The following BMAL1 variants were observed in gnomAD, a reference collection of about 807,000 sequenced individuals.
BMAL1 encodes basic helix-loop-helix ARNT like 1.
At chr11:13,375,734 T>C in the BMAL1 span, 1 of 1,593,320 alleles carries the variant, frequency 6.3e-7, no homozygotes, top group East Asian at 2.3e-5. Context: ...GGAAGTAGAA[T>C]ATATTGTCTC....
the BMAL1 span, among the ~76,000 whole-genome samples, chr11:13,360,949 C>T: frequency 1.3e-5 from 2 of 152,174 alleles, no homozygotes; most frequent in African/African-American, 4.8e-5. Context: ...AACCCTGTCT[C>T]TATTAAATAT....
At chr11:13,355,039 C>A in the BMAL1 span, 2 of 451,536 alleles carry the variant, frequency 4.4e-6, no homozygotes, top group Non-Finnish European at 7.9e-6. Flanking sequence ...TTACAGTCAT[C>A]CCTTCTATAT....
chr11:13,333,515 C>T, the BMAL1 span, among the ~76,000 whole-genome samples: 2 of 152,188 alleles, frequency 1.3e-5, no homozygotes, highest in African/African-American at 2.4e-5. Context: ...CTCCTTCCTT[C>T]GGGCTGATCA....
At chr11:13,344,426 C>A in the BMAL1 span, among the ~76,000 whole-genome samples, 5 of 152,170 alleles carry the variant, frequency 3.3e-5, no homozygotes, top group Non-Finnish European at 5.9e-5. Context: ...GTAAACATGG[C>A]CTGCCTGTTG....
At chr11:13,304,418 A>G in the BMAL1 span, among the ~76,000 whole-genome samples, 1 of 152,208 alleles carries the variant, frequency 6.6e-6, no homozygotes, top group African/African-American at 2.4e-5. Flanking sequence ...CCTAATGAGT[A>G]TTAGTCTCAC....
chr11:13,373,132 C>T, the BMAL1 span, among the ~76,000 whole-genome samples: 493 of 152,300 alleles, frequency 3.2e-3, 4 homozygotes, highest in African/African-American at 0.011. Context: ...AGAACATTTC[C>T]ATCATCACAG....
chr11:13,338,473 C>T, the BMAL1 span, among the ~76,000 whole-genome samples: 18 of 152,150 alleles, frequency 1.2e-4, no homozygotes, highest in Admixed American at 1.2e-3. Context: ...TTTAGTTAAC[C>T]CATTGAACAG....
the BMAL1 span, among the ~76,000 whole-genome samples, chr11:13,282,990 C>T: frequency 1.3e-5 from 2 of 152,100 alleles, no homozygotes; most frequent in Non-Finnish European, 2.9e-5. Context: ...GTACTTAGGT[C>T]TGCATGGAAG....
the BMAL1 span, chr11:13,376,909 G>T: frequency 1.7e-6 from 1 of 598,518 alleles, no homozygotes; most frequent in Non-Finnish European, 2.9e-6. Context: ...CACTTTCTCT[G>T]TTGAGCCGGA....
the BMAL1 span, among the ~76,000 whole-genome samples, chr11:13,353,733 C>T: frequency 0.19 from 28,609 of 152,026 alleles, 3,310 homozygotes; most frequent in East Asian, 0.53. Context: ...GGCTGAGGCA[C>T]GAGAGTCACT....
At chr11:13,367,733 A>C in the BMAL1 span, among the ~76,000 whole-genome samples, 1 of 147,604 alleles carries the variant, frequency 6.8e-6, no homozygotes, top group Admixed American at 6.8e-5. Context: ...AAAAAGAATG[A>C]GAACACAAGG....
the BMAL1 span, chr11:13,358,412 C>A: frequency 1.3e-6 from 2 of 1,507,610 alleles, no homozygotes; most frequent in Admixed American, 2.3e-5. Flanking sequence ...TATAAGAAAT[C>A]GTTTTTCATA....
chr11:13,378,497 G>A, the BMAL1 span: 3 of 1,566,118 alleles, frequency 1.9e-6, no homozygotes, highest in Admixed American at 5.8e-5. Context: ...TCAACCCAGG[G>A]AAATTTTTTC....
chr11:13,278,465 C>T, the BMAL1 span, among the ~76,000 whole-genome samples: 1 of 152,222 alleles, frequency 6.6e-6, no homozygotes, highest in Non-Finnish European at 1.5e-5. Flanking sequence ...CTCCCCGCTT[C>T]ACTTCCCTTT....
the BMAL1 span, among the ~76,000 whole-genome samples, chr11:13,295,941 G>A: frequency 6.6e-6 from 1 of 152,092 alleles, no homozygotes; most frequent in Admixed American, 6.5e-5. Context: ...TCAGAGTCTG[G>A]CTTTGGCATG....
chr11:13,279,266 T>G, the BMAL1 span, among the ~76,000 whole-genome samples: 4 of 152,246 alleles, frequency 2.6e-5, no homozygotes, highest in Non-Finnish European at 4.4e-5. Context: ...TTCTTGACAC[T>G]ACCCGTATAC....
chr11:13,304,377 G>A, the BMAL1 span, among the ~76,000 whole-genome samples: 44 of 152,194 alleles, frequency 2.9e-4, no homozygotes, highest in Non-Finnish European at 5.3e-4. Flanking sequence ...AGAAAGAAAG[G>A]AGTCAAGATT....
At chr11:13,376,783 C>G in the BMAL1 span, 1 of 1,529,814 alleles carries the variant, frequency 6.5e-7, no homozygotes, top group South Asian at 1.2e-5. Context: ...TGCTTGTGGT[C>G]AAATATCCTC....
chr11:13,280,176 G>A, the BMAL1 span, among the ~76,000 whole-genome samples: 2 of 152,204 alleles, frequency 1.3e-5, no homozygotes, highest in Non-Finnish European at 2.9e-5. Flanking sequence ...ATTTTCATAA[G>A]AAAGTTAAGC....
Sources: gnomAD v4.1 joint callset for allele counts (sites outside exome capture counted in the v4.1 genomes callset) on GRCh38, gnomAD v4.1.1 for gene constraint, MANE v1.5 for transcripts, NCBI Gene and HGNC (gene_info 2026-07-23, HGNC 2026-07-21) for gene names.